Variants in VIPAS39 observed in about 807,000 individuals in gnomAD.
The protein encoded by VIPAS39 is spermatogenesis-defective protein 39 homolog.
VIPAS39 carries 63 observed loss-of-function variants against 84.7 expected under a neutral mutation model. The ratio of observed to expected loss-of-function variants is 0.74; its 90% CI spans 0.61 to 0.92. The LOEUF is 0.92. Among genes scored for constraint, VIPAS39 ranks in the 40% least tolerant of loss-of-function variants. The probability of loss-of-function intolerance (pLI) is 0.00; values close to 1 mark genes in which losing one functional copy is unlikely to be tolerated. For missense variants in VIPAS39, 499 were observed against 604.5 expected, an observed-to-expected ratio of 0.83 and a Z score of 1.83; for synonymous variants, 192 against 216.5, an observed-to-expected ratio of 0.89 and a Z score of 0.99.
rs749085304 is a variant in VIPAS39 at position 77,428,392 on chromosome 14, A to G, written c.1439T>C (p.Ile480Thr). 18 of 1,613,780 alleles carry G rather than the reference A, an allele frequency of 1.1e-5. No individual in the cohort carries two copies. The highest frequency in any genetic ancestry group is 1.4e-5 in the Non-Finnish European group (17 of 1,179,884). Reference protein sequence around the residue: ...VDKGSAEEEKIDALLSSSQIR... With the variant: ...VDKGSAEEEKTDALLSSSQIR... ...CACCGAGCTGCTGAGAAGAGCATCA[A>G]TCTTCTCCTCCTCTGCTGATCCTTT... Residue 480 changes from isoleucine (I) to threonine (T), a missense_variant, in exon 19 of 20, where the codon ATT becomes ACT. Coordinates refer to ENST00000557658, the MANE Select transcript of VIPAS39 (RefSeq NM_001193315.2).
intron 16 of VIPAS39, among the ~76,000 whole-genome samples, chr14:77,432,263 G>C (rs1413271076): frequency 1.3e-5 from 2 of 151,720 alleles, no homozygotes; most frequent in Non-Finnish European, 2.9e-5. Flanking sequence ...AAAGAAGAAA[G>C]ATAACAAGTG....
intron 16 of VIPAS39, among the ~76,000 whole-genome samples, chr14:77,431,632 T>G (rs907560406): frequency 1.3e-5 from 2 of 152,106 alleles, no homozygotes; most frequent in Non-Finnish European, 2.9e-5. Context: ...GTCATGCCAC[T>G]GCACTTCAGC....
At chr14:77,452,353 GAA>G (rs1435343774) in intron 3 of VIPAS39, among the ~76,000 whole-genome samples, 1 of 151,740 alleles carries the variant, frequency 6.6e-6, no homozygotes, top group Non-Finnish European at 1.5e-5. Flanking sequence ...GACATGAACT[GAA>G]AACTGAGAAG....
intron 7 of VIPAS39, among the ~76,000 whole-genome samples, chr14:77,446,182 G>A (rs780164184): frequency 3.9e-5 from 6 of 151,954 alleles, no homozygotes; most frequent in South Asian, 2.1e-4. Flanking sequence ...AAAGATTTTC[G>A]TCTATATTTT....
At chr14:77,432,186 A>G (rs1199939509) in intron 16 of VIPAS39, among the ~76,000 whole-genome samples, 6 of 152,186 alleles carry the variant, frequency 3.9e-5, no homozygotes, top group African/African-American at 1.4e-4. Flanking sequence ...TACTCTCTAC[A>G]TGTATCTCAT....
Position 77,427,470 on chromosome 14 carries a change from G to T in VIPAS39, c.*146C>A. The T allele has an allele frequency of 1.1e-6, 1 of 904,454 alleles. No homozygotes were observed. Among genetic ancestry groups the T allele is most frequent in the Non-Finnish European group, 1.8e-6 (1 of 558,032 alleles). 56.0% of individuals were successfully genotyped at this position (904,454 alleles called of 1,614,324 possible). Reference sequence around the variant, plus strand: ...TCCTTGGACAGAAGATCAGTCTGAAGTTATCTGTGTCAAGAGTAGCTGGCA... The same window carrying T: ...TCCTTGGACAGAAGATCAGTCTGAATTTATCTGTGTCAAGAGTAGCTGGCA... On this transcript the variant is annotated 3_prime_UTR_variant, in exon 20 of 20. Coordinates refer to ENST00000557658, the MANE Select transcript of VIPAS39 (RefSeq NM_001193315.2).
Position 77,451,070 on chromosome 14 carries a change from A to G in VIPAS39, c.343+117T>C, listed in dbSNP as rs1187642324. 2.6e-5 allele frequency: 39 copies of G among 1,503,072 alleles called. No individual in the cohort carries two copies. In the East Asian group the frequency reaches 7.5e-4, roughly 29 times the overall value. 93.1% of individuals were successfully genotyped at this position (1,503,072 alleles called of 1,614,324 possible). A position where few individuals can be genotyped will look rare whatever the true frequency, so the allele number is the denominator to read the frequency against. On this transcript the variant is annotated intron_variant, in intron 4 of 19. Transcript: ENST00000557658. Reference sequence around the variant, plus strand: ...TCCTAACACCCAGCTGCCACCTCCAATGAGAATGCTTTACCCTTCAATAAT... The same window carrying G: ...TCCTAACACCCAGCTGCCACCTCCAGTGAGAATGCTTTACCCTTCAATAAT...
intron 16 of VIPAS39, among the ~76,000 whole-genome samples, chr14:77,433,351 C>T (rs2078553800): frequency 6.6e-6 from 1 of 152,126 alleles, no homozygotes; most frequent in Non-Finnish European, 1.5e-5. Context: ...CAGGTGCACA[C>T]CACCACACCC....
intron 16 of VIPAS39, 98 bp from the exon 17 acceptor site, chr14:77,429,865 G>T: frequency 4.0e-6 from 4 of 1,008,014 alleles, no homozygotes; most frequent in South Asian, 1.3e-5. Context: ...TAATGTGGTG[G>T]GTGAGTGGGG....
In VIPAS39 at chr14:77,453,322, CTGACTCGCTCCAGG is replaced by C. The variant is rs774607070; in HGVS notation, c.159_172del (p.Asp53GlufsTer20). The stretch of plus-strand genomic sequence containing the variant: ...ACTTCCCACAGGTTCCCCACTCCAG[CTGACTCGCTCCAGG>C]TCATCATCGTCATCATCATCCACGA... On this transcript the variant is annotated frameshift_variant, in exon 3 of 20. Coordinates refer to ENST00000557658, the MANE Select transcript of VIPAS39 (RefSeq NM_001193315.2). LOFTEE classifies it high-confidence loss of function. 9.3e-6 allele frequency: 15 copies of C among 1,614,066 alleles called. No individual in the cohort carries two copies.
Position 77,453,247 on chromosome 14 carries a change from C to T in VIPAS39, c.196+52G>A. 1.9e-6 allele frequency: 3 copies of T among 1,546,328 alleles called. No homozygotes were observed. In the South Asian group the frequency reaches 3.3e-5, roughly 17 times the overall value. ...AGAAACAAACAAGTAGAGCCTTTAT[C>T]AGTGATAAGAATCCTCAACATCTAT... is the stretch of plus-strand genomic sequence containing the variant. On this transcript the variant is annotated intron_variant, in intron 3 of 19. Transcript: ENST00000557658.
rs2078728899 is a variant in VIPAS39 at position 77,443,161 on chromosome 14, A to G, written c.598-9T>C. ...TTCAGGAAAATCAGAACCTACAGGAAAAAAGAACAAAGACTGTGCAAACTT... is the reference window on the plus strand; with the variant it reads ...TTCAGGAAAATCAGAACCTACAGGAGAAAAGAACAAAGACTGTGCAAACTT... On this transcript the variant is annotated splice_polypyrimidine_tract_variant and intron_variant, in intron 8 of 19. Coordinates refer to ENST00000557658, the MANE Select transcript of VIPAS39 (RefSeq NM_001193315.2). The G allele has an allele frequency of 1.2e-6, 2 of 1,614,214 alleles. No homozygotes were observed. The highest frequency in any genetic ancestry group is 3.3e-5 in the Admixed American group (2 of 60,026).
At position 77,453,991 on chromosome 14, in the gene VIPAS39, A is replaced by G. The variant is rs2078922475; in HGVS notation, c.93+19T>C. ...AGTGGCACTGTGGAGAAGAGTACAA[A>G]CTTCAGCAGTTGACCTACCTGTGAA... On this transcript the variant is annotated intron_variant, in intron 2 of 19. Coordinates refer to ENST00000557658, the MANE Select transcript of VIPAS39 (RefSeq NM_001193315.2). 2.5e-6 allele frequency: 4 copies of G among 1,613,386 alleles called. No homozygotes were observed. Among genetic ancestry groups the G allele is most frequent in the Non-Finnish European group, 8.5e-7 (1 of 1,179,468 alleles).
chr14:77,428,914 C>G (rs1187712028), intron 18 of VIPAS39, 92 bp downstream of exon 18: 3 of 1,165,172 alleles, frequency 2.6e-6, no homozygotes, highest in Non-Finnish European at 3.9e-6. Flanking sequence ...CTGGTGGGAG[C>G]ACCTCAGGAT....
At chr14:77,452,662 C>A (rs2078899658) in intron 3 of VIPAS39, among the ~76,000 whole-genome samples, 1 of 151,754 alleles carries the variant, frequency 6.6e-6, no homozygotes, top group Admixed American at 6.6e-5. Flanking sequence ...CACCTTTAAT[C>A]CCAGCTACTA....
chr14:77,451,424 G>A, intron 3 of VIPAS39, 91 bp from the exon 4 acceptor site: 3 of 1,604,712 alleles, frequency 1.9e-6, no homozygotes, highest in Admixed American at 1.7e-5. Flanking sequence ...CTTTTCACCA[G>A]AAGCCCTGGT....
At chr14:77,439,201 AT>A (rs2078662055) in intron 11 of VIPAS39, among the ~76,000 whole-genome samples, 1 of 152,210 alleles carries the variant, frequency 6.6e-6, no homozygotes, top group Non-Finnish European at 1.5e-5. Context: ...AACATGCATG[AT>A]AAATCATCTT....
chr14:77,442,655 G>A lies in VIPAS39; in HGVS notation c.639C>T (p.Leu213=). 2 of 1,614,158 alleles carry A rather than the reference G, an allele frequency of 1.2e-6. No homozygotes were observed. The highest frequency in any genetic ancestry group is 2.2e-5 in the South Asian group (2 of 91,088). Residue 213 remains leucine (L), a synonymous_variant, in exon 10 of 20, where the codon CTC becomes CTT. Transcript: ENST00000557658. ...CCTGTCGCACCTCCAGCTCTCGGAA[G>A]AGGATCTCTGTCAGACAGTCAGGAG... ...FLKRTLSKEI[L]FRELEVRQVA...
chr14:77,439,681 C>T (rs1013404685), intron 11 of VIPAS39, among the ~76,000 whole-genome samples: 3 of 151,904 alleles, frequency 2.0e-5, no homozygotes, highest in East Asian at 1.9e-4. Context: ...GTCCCAGCTA[C>T]TTGGGAGCCT....
Sources: allele counts gnomAD v4.1 joint callset (sites outside exome capture counted in the v4.1 genomes callset), GRCh38; gene constraint gnomAD v4.1.1; transcripts MANE v1.5; gene names NCBI Gene and HGNC (gene_info 2026-07-23, HGNC 2026-07-21).